Variants in SH3D19 observed in about 807,000 individuals in gnomAD.
SH3D19 encodes the protein SH3 domain containing 19.
Under a neutral mutation model 112.1 loss-of-function variants are expected in SH3D19, and 58 were observed. The ratio of observed to expected loss-of-function variants is 0.52; its 90% CI spans 0.42 to 0.64. The LOEUF is 0.64. Among genes scored for constraint, SH3D19 ranks in the 30% least tolerant of loss-of-function variants. The pLI, the probability that SH3D19 is intolerant of heterozygous loss-of-function variation, is 0.00. For missense variants in SH3D19, 1,090 were observed against 1,263.4 expected, an observed-to-expected ratio of 0.86 and a Z score of 2.08; for synonymous variants, 391 against 448.5, an observed-to-expected ratio of 0.87 and a Z score of 1.62.
intron 12 of SH3D19, chr4:151,140,428 T>C (rs906442350): frequency 2.0e-5 from 3 of 152,330 alleles, no homozygotes; most frequent in Admixed American, 2.0e-4. Context: ...ATGCCTGGTC[T>C]GCATTTTGTA....
rs548195300 is a variant in SH3D19 at position 151,242,206 on chromosome 4, T to C, written c.113-16120A>G. Among the ~76,000 whole-genome samples the C allele has an allele frequency of 1.4e-4, 22 of 152,314 alleles. No homozygotes were observed. The South Asian group carries it at 4.4e-3, about 30-fold the overall frequency. On this transcript the variant is annotated intron_variant, in intron 1 of 19. Transcript: ENST00000604030. ...TCTCAAAACAAAAAAAAAAGGTTTG[T>C]ATTTTCAGTTAACAACATTCTAGAA...
intron 1 of SH3D19, chr4:151,279,973 G>A (rs1774037293): frequency 7.1e-7 from 1 of 1,413,708 alleles, no homozygotes; most frequent in South Asian, 1.3e-5. Flanking sequence ...GTTCTAGCTG[G>A]CAGCTAACAC....
chr4:151,154,807 G>C (rs1414500655), intron 9 of SH3D19, among the ~76,000 whole-genome samples: 1 of 152,028 alleles, frequency 6.6e-6, no homozygotes, highest in Non-Finnish European at 1.5e-5. Flanking sequence ...GCCCAGGCTA[G>C]AGTGCAGTGG....
At chr4:151,278,043 CAAAAA>C (rs1221883310) in intron 1 of SH3D19, among the ~76,000 whole-genome samples, 3 of 150,720 alleles carry the variant, frequency 2.0e-5, no homozygotes, top group Admixed American at 1.3e-4. Flanking sequence ...CCCGTCCCCC[CAAAAA>C]ACAGAAAGGG....
intron 1 of SH3D19, among the ~76,000 whole-genome samples, chr4:151,305,860 T>C (rs1258046637): frequency 1.3e-5 from 2 of 152,180 alleles, no homozygotes; most frequent in African/African-American, 4.8e-5. Flanking sequence ...CATCAAATAC[T>C]GAAAACAATC....
chr4:151,314,616 C>A (rs758242657), intron 1 of SH3D19, among the ~76,000 whole-genome samples: 32 of 152,158 alleles, frequency 2.1e-4, no homozygotes, highest in Non-Finnish European at 3.2e-4. Flanking sequence ...ACAATAAGAT[C>A]AAGTTAGAAT....
chr4:151,204,665 T>C (rs916256964), intron 2 of SH3D19, among the ~76,000 whole-genome samples: 3 of 152,240 alleles, frequency 2.0e-5, no homozygotes, highest in Non-Finnish European at 4.4e-5. Context: ...TTTAAAATCA[T>C]GATCTTTCCA....
intron 1 of SH3D19, among the ~76,000 whole-genome samples, chr4:151,265,244 T>C (rs993164781): frequency 6.6e-6 from 1 of 152,264 alleles, no homozygotes; most frequent in African/African-American, 2.4e-5. Context: ...GTTAGAATTT[T>C]TGCAGATGAC....
intron 1 of SH3D19, among the ~76,000 whole-genome samples, chr4:151,318,601 CAATAAT>C: frequency 6.6e-6 from 1 of 152,082 alleles, no homozygotes; most frequent in Admixed American, 6.5e-5. Context: ...AATATTTTAT[CAATAAT>C]AAGAAAAAGG....
At chr4:151,148,238 C>G (rs1042758587) in intron 10 of SH3D19, 52 bp from the exon 11 acceptor site, 2 of 1,468,676 alleles carry the variant, frequency 1.4e-6, no homozygotes, top group Non-Finnish European at 1.8e-6. Context: ...GTATTAAATT[C>G]TGTCCTGTCC....
At chr4:151,161,791 G>T (rs1757210149) in intron 8 of SH3D19, among the ~76,000 whole-genome samples, 1 of 141,916 alleles carries the variant, frequency 7.0e-6, no homozygotes, top group African/African-American at 2.6e-5. Flanking sequence ...TTTAGATGAG[G>T]TCTCGCTTTG....
chr4:151,266,353 A>G (rs570620262), intron 1 of SH3D19: 8 of 152,312 alleles, frequency 5.3e-5, no homozygotes, highest in African/African-American at 1.7e-4. Context: ...AAAGAAAAAC[A>G]TGTTCTGTTA....
chr4:151,149,442 A>C, intron 10 of SH3D19, 58 bp downstream of exon 10: 1 of 1,389,598 alleles, frequency 7.2e-7, no homozygotes, highest in Non-Finnish European at 1.0e-6. Context: ...TTGGTGATAA[A>C]AAAGAGTTGG....
At chr4:151,173,678 C>T (rs1415235355) in intron 7 of SH3D19, among the ~76,000 whole-genome samples, 1 of 152,136 alleles carries the variant, frequency 6.6e-6, no homozygotes, top group African/African-American at 2.4e-5. Flanking sequence ...TTACAATGTT[C>T]TGTGCATGAT....
chr4:151,267,505 G>A (rs1256471509), intron 1 of SH3D19, among the ~76,000 whole-genome samples: 1 of 152,174 alleles, frequency 6.6e-6, no homozygotes, highest in Non-Finnish European at 1.5e-5. Context: ...AGTGAACATA[G>A]CTTTTATTTT....
Position 151,283,400 on chromosome 4 carries a change from A to G in SH3D19, c.112+41841T>C, listed in dbSNP as rs1415486151. ...GAGTCAGGAGATGAGGGTTCTAAGAATAACTCTTATGTTACCCTGGACAAA... is the reference window on the plus strand; with the variant it reads ...GAGTCAGGAGATGAGGGTTCTAAGAGTAACTCTTATGTTACCCTGGACAAA... On this transcript the variant is annotated intron_variant, in intron 1 of 19. Coordinates refer to ENST00000604030, the MANE Select transcript of SH3D19 (RefSeq NM_001378122.1). The G allele has an allele frequency of 4.7e-6, 4 of 854,828 alleles. No homozygotes were observed. The highest frequency in any genetic ancestry group is 2.5e-5 in the East Asian group (1 of 39,318). 53.0% of individuals were successfully genotyped at this position (854,828 alleles called of 1,614,324 possible).
intron 1 of SH3D19, among the ~76,000 whole-genome samples, chr4:151,322,974 C>T (rs200436309): frequency 1.3e-5 from 1 of 75,712 alleles, no homozygotes; most frequent in Non-Finnish European, 3.4e-5. Context: ...AAAATGGTTA[C>T]ATCTAGGGGA....
At chr4:151,154,194 G>A (rs1175981442) in intron 9 of SH3D19, among the ~76,000 whole-genome samples, 2 of 148,748 alleles carry the variant, frequency 1.3e-5, no homozygotes, top group East Asian at 2.0e-4. Context: ...GTGCAATGGT[G>A]TGATCTTGGC....
chr4:151,266,072 T>C (rs1014003146), intron 1 of SH3D19: 9 of 152,178 alleles, frequency 5.9e-5, no homozygotes, highest in African/African-American at 1.9e-4. Flanking sequence ...TAAAAGATTT[T>C]AGTAAATACA....
Sources: gnomAD v4.1 joint callset for allele counts (sites outside exome capture counted in the v4.1 genomes callset) on GRCh38, gnomAD v4.1.1 for gene constraint, MANE v1.5 for transcripts, NCBI Gene and HGNC (gene_info 2026-07-23, HGNC 2026-07-21) for gene names.